Variants in NLRP1 observed in about 807,000 individuals in gnomAD.
NLRP1 encodes the protein NLR family pyrin domain containing 1.
In NLRP1, 94 loss-of-function variants were observed where a neutral mutation model predicts 136.7. That is an observed-to-expected ratio of 0.69 (90% CI 0.58 to 0.82). The LOEUF (loss-of-function observed/expected upper bound fraction) is 0.82. Among genes scored for constraint, NLRP1 ranks in the 40% least tolerant of loss-of-function variants. The pLI is 0.00. For missense variants in NLRP1, 1,575 were observed against 1,802.7 expected (o/e 0.87, Z 2.29); for synonymous variants, 690 against 725.1 (o/e 0.95, Z 0.78).
chr17:5,564,688 T>A (rs1424638377), intron 3 of NLRP1, among the ~76,000 whole-genome samples: 1 of 152,086 alleles, frequency 6.6e-6, no homozygotes, highest in Non-Finnish European at 1.5e-5. Context: ...TCTGATTTCC[T>A]TTCTTTTGGA....
intron 3 of NLRP1, among the ~76,000 whole-genome samples, chr17:5,561,925 C>T (rs1043743839): frequency 1.3e-5 from 2 of 152,328 alleles, no homozygotes; most frequent in Non-Finnish European, 2.9e-5. Context: ...CCCGGTTCCC[C>T]GAGAAACACT....
intron 12 of NLRP1, among the ~76,000 whole-genome samples, chr17:5,528,698 G>C (rs1909858494): frequency 6.6e-6 from 1 of 151,988 alleles, no homozygotes; most frequent in South Asian, 2.1e-4. Context: ...CTTAATATAT[G>C]CATACTGTAA....
chr17:5,530,361 A>AC (rs1471869179), intron 12 of NLRP1, 120 bp downstream of exon 12: 8 of 795,240 alleles, frequency 1.0e-5, no homozygotes, highest in South Asian at 3.4e-5. Context: ...CATCTCCATA[A>AC]CCCCCCCTCG....
At chr17:5,556,020 G>T (rs943005279) in intron 4 of NLRP1, among the ~76,000 whole-genome samples, 1 of 151,910 alleles carries the variant, frequency 6.6e-6, no homozygotes, top group Non-Finnish European at 1.5e-5. Flanking sequence ...CTTGAACCTG[G>T]GAGGCAGAGG....
chr17:5,570,265 G>C (rs139414897), intron 3 of NLRP1, among the ~76,000 whole-genome samples: 2,692 of 151,786 alleles, frequency 0.018, 73 homozygotes, highest in African/African-American at 0.062. Context: ...AATCAGAGCT[G>C]AACTGAATAA....
chr17:5,541,982 G>C lies in NLRP1; in HGVS notation c.2574C>G (p.Ala858=), dbSNP rs1301041514. 1 of 1,614,128 alleles carries C rather than the reference G, an allele frequency of 6.2e-7. No homozygotes were observed. Among genetic ancestry groups the C allele is most frequent in the Non-Finnish European group, 8.5e-7 (1 of 1,179,988 alleles). ...GLTAEDCKDL[A]FGLRANQTLT... ...GGGTCTGGTTGGCTCTCAGCCCAAA[G>C]GCAAGGTCCTTGCAGTCCTCAGCTG... The change falls in exon 6 of 17, where the codon GCC becomes GCG. Residue 858 remains alanine, a synonymous_variant. Coordinates refer to ENST00000572272, the MANE Select transcript of NLRP1 (RefSeq NM_033004.4). The surrounding 1 kb of genome is among the most constrained non-coding windows in gnomAD (Gnocchi z 4.2).
At chr17:5,512,329 G>T, downstream of NLRP1, 1 of 1,391,936 alleles carries the variant, frequency 7.2e-7, no homozygotes, top group Non-Finnish European at 1.0e-6. Context: ...GCCAAGAGGC[G>T]GGTCTACTTT....
chr17:5,512,081 G>T, downstream of NLRP1: 2 of 719,470 alleles, frequency 2.8e-6, no homozygotes, highest in Non-Finnish European at 5.1e-6. Context: ...TTGGGTTTTT[G>T]TGGTTTTGGT....
chr17:5,539,292 G>GT, intron 7 of NLRP1, 123 bp downstream of exon 7: 1 of 841,868 alleles, frequency 1.2e-6, no homozygotes, highest in Non-Finnish European at 1.8e-6. Flanking sequence ...GTCACACAGT[G>GT]TAAGTGGTAG....
chr17:5,558,819 A>G lies in NLRP1; in HGVS notation c.1877T>C (p.Phe626Ser), dbSNP rs1241421772. The G allele has an allele frequency of 1.2e-5, 19 of 1,614,112 alleles. No homozygotes were observed. The highest frequency in any genetic ancestry group is 1.5e-5 in the Non-Finnish European group (18 of 1,180,036). Residue 626 changes from phenylalanine (F) to serine (S), a missense_variant, in exon 4 of 17, where the codon TTC becomes TCC. Physicochemically the swap from Phe to Ser is radical, Grantham distance 155. Coordinates refer to ENST00000572272, the MANE Select transcript of NLRP1 (RefSeq NM_033004.4). Reference protein sequence around the residue: ...PLSYSFIHLCFQEFFAAMSYV... With the variant: ...PLSYSFIHLCSQEFFAAMSYV... ...GGACATTGCTGCAAAGAACTCTTGGAAACAGAGGTGAATGAAGCTGTAGCT... is the reference window on the plus strand; with the variant it reads ...GGACATTGCTGCAAAGAACTCTTGGGAACAGAGGTGAATGAAGCTGTAGCT...
chr17:5,513,876 G>A (rs1288580756), downstream of NLRP1, among the ~76,000 whole-genome samples: 1 of 152,196 alleles, frequency 6.6e-6, no homozygotes, highest in Non-Finnish European at 1.5e-5. Context: ...CTCATTATAT[G>A]CTAATTTTAA....
intron 12 of NLRP1, among the ~76,000 whole-genome samples, chr17:5,523,074 A>C (rs1177548032): frequency 6.6e-6 from 1 of 152,112 alleles, no homozygotes; most frequent in Non-Finnish European, 1.5e-5. Flanking sequence ...TCAAGTCTAG[A>C]GGGGTGAAAC....
At chr17:5,522,938 C>T (rs1375357810) in intron 12 of NLRP1, among the ~76,000 whole-genome samples, 5 of 152,166 alleles carry the variant, frequency 3.3e-5, no homozygotes, top group African/African-American at 4.8e-5. Context: ...GCCTCCTCCT[C>T]CAGCACTGTG....
chr17:5,575,424 G>A (rs994195740), intron 3 of NLRP1, among the ~76,000 whole-genome samples: 1 of 152,144 alleles, frequency 6.6e-6, no homozygotes, highest in Non-Finnish European at 1.5e-5. Flanking sequence ...AAGGGATGGA[G>A]GAAGATCTAC....
intron 5 of NLRP1, among the ~76,000 whole-genome samples, chr17:5,548,741 C>T (rs1217857126): frequency 6.6e-6 from 1 of 150,820 alleles, no homozygotes; most frequent in Non-Finnish European, 1.5e-5. Flanking sequence ...AATTTCAGTC[C>T]TTATCTTGAC....
Position 5,581,908 on chromosome 17 carries a change from A to G in NLRP1, c.603T>C (p.Ala201=), listed in dbSNP as rs1905699066. 6.2e-7 allele frequency: 1 copy of G among 1,613,560 alleles called. No homozygotes were observed. The highest frequency in any genetic ancestry group is 1.1e-5 in the South Asian group (1 of 91,062). Reference sequence around the variant, plus strand: ...CATCCAGAGGCCATTGGGTCCCAGGAGCCTCCTGCTCTCTGGGTGCTAGGC... The same window carrying G: ...CATCCAGAGGCCATTGGGTCCCAGGGGCCTCCTGCTCTCTGGGTGCTAGGC... The part of the protein sequence containing the change: ...QPSLAPREQE[A]PGTQWPLDET... The change falls in exon 3 of 17, where the codon GCT becomes GCC. Residue 201 remains alanine, a synonymous_variant. Transcript: ENST00000572272.
At chr17:5,549,657 C>T (rs1246967501) in intron 5 of NLRP1, among the ~76,000 whole-genome samples, 1 of 152,178 alleles carries the variant, frequency 6.6e-6, no homozygotes, top group Non-Finnish European at 1.5e-5. Context: ...AGTTTAATTA[C>T]TTTCTTTTCA....
chr17:5,517,864 G>A lies in NLRP1; in HGVS notation c.3939C>T (p.Ser1313=). The A allele has an allele frequency of 6.2e-7, 1 of 1,614,078 alleles. No individual in the cohort carries two copies. The highest frequency in any genetic ancestry group is 8.5e-7 in the Non-Finnish European group (1 of 1,180,010). ...CCGAGAACAGCTGGTCTTCTCCAGG[G>A]CTTCGATAGCAGAGCTCCAGTTCCT... ...LPKELELCYR[S]PGEDQLFSEF... The change falls in exon 15 of 17, where the codon AGC becomes AGT. Residue 1313 remains serine (S), a synonymous_variant. Transcript: ENST00000572272.
At chr17:5,545,499 G>GAC (rs34766471) in intron 5 of NLRP1, among the ~76,000 whole-genome samples, 40 of 133,278 alleles carry the variant, frequency 3.0e-4, no homozygotes, top group African/African-American at 1.1e-3. Flanking sequence ...CAGACACACA[G>GAC]ACACACACAC....
Sources: allele counts gnomAD v4.1 joint callset (sites outside exome capture counted in the v4.1 genomes callset), GRCh38; gene constraint gnomAD v4.1.1; non-coding constraint Gnocchi (gnomAD v3.1); transcripts MANE v1.5; gene names NCBI Gene and HGNC (gene_info 2026-07-23, HGNC 2026-07-21).